FRMD4A: variants seen among roughly 807,000 people sequenced by gnomAD.
The protein encoded by FRMD4A is FERM domain-containing protein 4A.
In FRMD4A, 29 loss-of-function variants were observed where a neutral mutation model predicts 129.1. That is an observed-to-expected ratio of 0.22 (90% CI 0.17 to 0.31). FRMD4A has a LOEUF of 0.31. Ranked by LOEUF, FRMD4A falls within the 10% of genes least tolerant of loss-of-function variation. The pLI is 1.00. For missense variants in FRMD4A, 1,272 were observed against 1,375.8 expected, an observed-to-expected ratio of 0.92 and a Z score of 1.19; for synonymous variants, 634 against 571.6, an observed-to-expected ratio of 1.11 and a Z score of -1.56.
intron 2 of FRMD4A, among the ~76,000 whole-genome samples, chr10:14,322,629 T>C (rs1410662213): frequency 6.6e-6 from 1 of 152,158 alleles, no homozygotes; most frequent in Non-Finnish European, 1.5e-5. Context: ...GATTTCAATA[T>C]CCAGGATTAT....
At chr10:13,783,857 A>T (rs1199021961) in intron 5 of FRMD4A, among the ~76,000 whole-genome samples, 1 of 152,230 alleles carries the variant, frequency 6.6e-6, no homozygotes, top group Non-Finnish European at 1.5e-5. Flanking sequence ...GATGGAGCTT[A>T]TAGATATTTT....
At chr10:14,076,676 A>G (rs937459664) in intron 2 of FRMD4A, among the ~76,000 whole-genome samples, 1 of 152,180 alleles carries the variant, frequency 6.6e-6, no homozygotes, top group Admixed American at 6.5e-5. Context: ...TAGATGCATT[A>G]CTATGAACTT....
At chr10:14,109,212 A>G (rs1325176882) in intron 2 of FRMD4A, among the ~76,000 whole-genome samples, 1 of 80,002 alleles carries the variant, frequency 1.2e-5, no homozygotes, top group South Asian at 3.4e-4. Flanking sequence ...AGCATCTCAG[A>G]AAAAAAAAAA....
chr10:13,823,266 G>A (rs374221352), intron 3 of FRMD4A, among the ~76,000 whole-genome samples: 19 of 152,180 alleles, frequency 1.2e-4, no homozygotes, highest in African/African-American at 3.9e-4. Context: ...TCTGGGAGGC[G>A]GGCAGGTGTT....
Position 14,040,165 on chromosome 10 carries a change from G to C in FRMD4A, c.46-181253C>G, listed in dbSNP as rs185025225. 8.2e-4 allele frequency among the ~76,000 whole-genome samples: 125 copies of C among 152,266 alleles called. 1 individual carries two copies. The highest frequency in any genetic ancestry group is 7.6e-3 in the Admixed American group (116 of 15,296). On this transcript the variant is annotated intron_variant, in intron 2 of 24. Coordinates refer to ENST00000357447, the MANE Select transcript of FRMD4A (RefSeq NM_018027.5). Reference sequence around the variant, plus strand: ...GAGTCACACAGCCAGTCGAATGACAGAGCCTGAATAGGAATGCAAGCCTCT... The same window carrying C: ...GAGTCACACAGCCAGTCGAATGACACAGCCTGAATAGGAATGCAAGCCTCT...
chr10:14,314,562 C>A (rs1280690531), intron 2 of FRMD4A, among the ~76,000 whole-genome samples: 1 of 152,098 alleles, frequency 6.6e-6, no homozygotes, highest in Non-Finnish European at 1.5e-5. Context: ...TTTACCACTC[C>A]TCCTCTTTCT....
chr10:14,284,910 G>C (rs1368576546), intron 2 of FRMD4A, among the ~76,000 whole-genome samples: 2 of 152,150 alleles, frequency 1.3e-5, no homozygotes, highest in African/African-American at 4.8e-5. Context: ...CCCGCAGGAG[G>C]AGGAAGCTGC....
intron 2 of FRMD4A, among the ~76,000 whole-genome samples, chr10:14,297,347 A>G (rs1309999120): frequency 1.3e-5 from 2 of 152,100 alleles, no homozygotes; most frequent in Non-Finnish European, 2.9e-5. Flanking sequence ...TGCAGCTCTA[A>G]TCATATCACA....
At chr10:13,779,953 A>G (rs2400015) in intron 6 of FRMD4A, among the ~76,000 whole-genome samples, 102,452 of 152,040 alleles carry the variant, frequency 0.67, 34,926 homozygotes, top group East Asian at 0.86. Flanking sequence ...TGTGACGGAG[A>G]TTGCATTCAT....
intron 4 of FRMD4A, among the ~76,000 whole-genome samples, chr10:13,798,553 A>G (rs2093175807): frequency 6.6e-6 from 1 of 151,876 alleles, no homozygotes; most frequent in African/African-American, 2.4e-5. Context: ...TGTCTCTACT[A>G]AAAAATACGA....
intron 2 of FRMD4A, among the ~76,000 whole-genome samples, chr10:14,091,583 G>A (rs980878661): frequency 6.6e-6 from 1 of 152,138 alleles, no homozygotes; most frequent in Non-Finnish European, 1.5e-5. Flanking sequence ...ACAGGCATGG[G>A]CCACCATGCC....
At chr10:13,972,436 G>T in intron 2 of FRMD4A, 1 of 383,918 alleles carries the variant, frequency 2.6e-6, no homozygotes, top group Non-Finnish European at 3.6e-6. Flanking sequence ...AGTTTAGGTT[G>T]GGATTGAAAT....
At chr10:13,750,109 G>GAAGAAAGAAAGAAAGAAAGAAAGA (rs137911059) in intron 8 of FRMD4A, among the ~76,000 whole-genome samples, 1,723 of 73,490 alleles carry the variant, frequency 0.023, 60 homozygotes, top group East Asian at 0.048. Context: ...AGAAAGAAAT[G>GAAGAAAGAAAGAAAGAAAGAAAGA]AAGAAAGAAA....
chr10:14,261,650 G>A (rs1014280426), intron 2 of FRMD4A, among the ~76,000 whole-genome samples: 2 of 152,130 alleles, frequency 1.3e-5, no homozygotes. Flanking sequence ...GGGAGGCAGT[G>A]GGCATCAGCC....
intron 2 of FRMD4A, among the ~76,000 whole-genome samples, chr10:14,076,228 G>A (rs1835593547): frequency 6.6e-6 from 1 of 152,180 alleles, no homozygotes; most frequent in Non-Finnish European, 1.5e-5. Flanking sequence ...TTACCTGCGA[G>A]CTTACCAAAG....
chr10:14,109,885 T>A (rs1837793951), intron 2 of FRMD4A, among the ~76,000 whole-genome samples: 1 of 150,358 alleles, frequency 6.7e-6, no homozygotes, highest in African/African-American at 2.5e-5. Flanking sequence ...GGCAGGAGAA[T>A]CGCTTGAACC....
intron 2 of FRMD4A, among the ~76,000 whole-genome samples, chr10:14,325,600 G>A (rs1378893923): frequency 6.6e-6 from 1 of 152,252 alleles, no homozygotes; most frequent in African/African-American, 2.4e-5. Flanking sequence ...GTTCTTATGT[G>A]ATTCTCTGAA....
intron 2 of FRMD4A, among the ~76,000 whole-genome samples, chr10:14,191,014 G>C (rs1842300835): frequency 6.6e-6 from 1 of 152,214 alleles, no homozygotes; most frequent in Non-Finnish European, 1.5e-5. Flanking sequence ...AGCCATATTG[G>C]TTCCAACCAA....
At chr10:14,270,512 A>G (rs1301107094) in intron 2 of FRMD4A, among the ~76,000 whole-genome samples, 1 of 152,162 alleles carries the variant, frequency 6.6e-6, no homozygotes, top group Non-Finnish European at 1.5e-5. Context: ...CCCTCTGCAG[A>G]GAGCCATCTG....
Sources: allele counts gnomAD v4.1 joint callset (sites outside exome capture counted in the v4.1 genomes callset), GRCh38; gene constraint gnomAD v4.1.1; transcripts MANE v1.5; gene names NCBI Gene and HGNC (gene_info 2026-07-23, HGNC 2026-07-21).